DLG2: variants seen among roughly 807,000 people sequenced by gnomAD.
The protein encoded by DLG2 is disks large homolog 2.
DLG2 carries 45 observed loss-of-function variants against 132.5 expected under a neutral mutation model. The observed-to-expected ratio is 0.34, with a 90% CI of 0.27 to 0.44. The LOEUF is 0.44. Ranked by LOEUF, DLG2 falls within the 20% of genes least tolerant of loss-of-function variation. DLG2 has a pLI of 1.00. For missense variants in DLG2, 1,045 were observed against 1,196.9 expected, an observed-to-expected ratio of 0.87 and a Z score of 1.87; for synonymous variants, 424 against 419.6, an observed-to-expected ratio of 1.01 and a Z score of -0.13.
chr11:84,193,876 G>C (rs1468528098), intron 8 of DLG2, among the ~76,000 whole-genome samples: 2 of 152,238 alleles, frequency 1.3e-5, no homozygotes, highest in East Asian at 3.9e-4. Flanking sequence ...TTTGGGCAAG[G>C]GGTGTTGTTG....
rs1027807846 is a variant in DLG2 at position 84,796,579 on chromosome 11, T to C, written c.358-261848A>G. On this transcript the variant is annotated intron_variant, in intron 6 of 27. Coordinates refer to ENST00000376104, the MANE Select transcript of DLG2 (RefSeq NM_001142699.3). ...CCTTTAGCATTTCTTGTAAGACAGATCTGGTGTTAATGAAATCCCTCAGCT... is the reference window on the plus strand; with the variant it reads ...CCTTTAGCATTTCTTGTAAGACAGACCTGGTGTTAATGAAATCCCTCAGCT... 7.2e-5 allele frequency among the ~76,000 whole-genome samples: 11 copies of C among 152,326 alleles called. No homozygotes were observed. The South Asian group carries it at 2.3e-3, about 32-fold the overall frequency.
In DLG2 at chr11:83,517,862, G is replaced by C. The variant is rs2140287981; in HGVS notation, c.2193+14846C>G. Among the ~76,000 whole-genome samples, 3 of 152,328 alleles carry C rather than the reference G, an allele frequency of 2.0e-5. No homozygotes were observed. In the South Asian group the frequency reaches 6.2e-4, roughly 32 times the overall value. On this transcript the variant is annotated intron_variant, in intron 21 of 27. Transcript: ENST00000376104. The stretch of plus-strand genomic sequence containing the variant: ...ATATTGGTGAACAGCAAATGTTGCT[G>C]CCTGATCGTTCCTCTGGCAGTGTTG...
chr11:85,098,815 A>C lies in DLG2; in HGVS notation c.357+12846T>G, dbSNP rs191491965. Among the ~76,000 whole-genome samples, 679 of 152,300 alleles carry C rather than the reference A, an allele frequency of 4.5e-3. 4 individuals are homozygous for C. The highest frequency in any genetic ancestry group is 0.016 in the African/African-American group (654 of 41,574). ...GTGAATGCCATTAATTATTTTAATTAGGTGTTTGTTCTGAGTTGGATGAAA... is the reference window on the plus strand; with the variant it reads ...GTGAATGCCATTAATTATTTTAATTCGGTGTTTGTTCTGAGTTGGATGAAA... On this transcript the variant is annotated intron_variant, in intron 6 of 27. Coordinates refer to ENST00000376104, the MANE Select transcript of DLG2 (RefSeq NM_001142699.3).
chr11:83,989,310 C>T (rs975972531), intron 11 of DLG2, among the ~76,000 whole-genome samples: 3 of 152,082 alleles, frequency 2.0e-5, no homozygotes, highest in Admixed American at 6.6e-5. Flanking sequence ...CTGATTCTTT[C>T]GTCTTATAAC....
At chr11:83,501,433 G>A (rs1236509076) in intron 21 of DLG2, among the ~76,000 whole-genome samples, 1 of 152,016 alleles carries the variant, frequency 6.6e-6, no homozygotes, top group Non-Finnish European at 1.5e-5. Context: ...ATGTCCACAG[G>A]GAGCCAAGAA....
At chr11:84,733,655 G>T (rs981636135) in intron 6 of DLG2, among the ~76,000 whole-genome samples, 1 of 152,106 alleles carries the variant, frequency 6.6e-6, no homozygotes, top group South Asian at 2.1e-4. Context: ...AATCCCATTT[G>T]TCAATTTTGG....
At chr11:83,601,297 G>A (rs939249128) in intron 19 of DLG2, among the ~76,000 whole-genome samples, 4 of 152,094 alleles carry the variant, frequency 2.6e-5, no homozygotes, top group Non-Finnish European at 5.9e-5. Context: ...TGGGCTAGTA[G>A]TTTCCAAACT....
intron 6 of DLG2, among the ~76,000 whole-genome samples, chr11:85,003,728 T>C (rs2058405326): frequency 6.6e-6 from 1 of 152,104 alleles, no homozygotes. Flanking sequence ...GAATGTCTAT[T>C]TTTTTCATTA....
chr11:84,795,379 A>C (rs2074439714), intron 6 of DLG2, among the ~76,000 whole-genome samples: 1 of 151,932 alleles, frequency 6.6e-6, no homozygotes, highest in African/African-American at 2.4e-5. Context: ...ATCTCTGCTG[A>C]AAGCTGAACA....
At chr11:84,528,226 T>C (rs2099327379) in intron 7 of DLG2, among the ~76,000 whole-genome samples, 1 of 152,144 alleles carries the variant, frequency 6.6e-6, no homozygotes, top group Non-Finnish European at 1.5e-5. Context: ...TATGAAAGAT[T>C]CTAGGTAGCA....
intron 18 of DLG2, among the ~76,000 whole-genome samples, chr11:83,689,869 TAATA>T (rs1194644880): frequency 6.8e-6 from 1 of 148,056 alleles, no homozygotes; most frequent in Non-Finnish European, 1.5e-5. Context: ...CCCATTATCT[TAATA>T]TTTACATAAT....
intron 21 of DLG2, among the ~76,000 whole-genome samples, chr11:83,524,637 C>T (rs1334762883): frequency 1.3e-5 from 2 of 152,158 alleles, no homozygotes; most frequent in Non-Finnish European, 2.9e-5. Flanking sequence ...CAAGGCTTTC[C>T]ACTGCCCTCA....
At chr11:84,218,762 T>C (rs1439551360) in intron 8 of DLG2, among the ~76,000 whole-genome samples, 1 of 152,182 alleles carries the variant, frequency 6.6e-6, no homozygotes, top group Admixed American at 6.5e-5. Context: ...TCTGTAAATA[T>C]TTTTAGTTAT....
chr11:85,383,552 C>G (rs1246395731), intron 3 of DLG2, among the ~76,000 whole-genome samples: 1 of 152,166 alleles, frequency 6.6e-6, no homozygotes, highest in East Asian at 1.9e-4. Flanking sequence ...AGTTCTACAT[C>G]AAAACGGCTC....
intron 21 of DLG2, among the ~76,000 whole-genome samples, chr11:83,506,845 A>T (rs2094727707): frequency 6.6e-6 from 1 of 152,180 alleles, no homozygotes; most frequent in South Asian, 2.1e-4. Context: ...ACATCTGATG[A>T]GACTGTGCAT....
At chr11:83,554,397 T>A (rs2142252421) in intron 19 of DLG2, among the ~76,000 whole-genome samples, 1 of 152,334 alleles carries the variant, frequency 6.6e-6, no homozygotes, top group African/African-American at 2.4e-5. Flanking sequence ...TTCTGTTTCC[T>A]ACTCTGTAAA....
At chr11:83,753,492 A>T (rs2093427410) in intron 18 of DLG2, among the ~76,000 whole-genome samples, 2 of 151,712 alleles carry the variant, frequency 1.3e-5, no homozygotes, top group African/African-American at 4.8e-5. Context: ...TCTTTGACCA[A>T]ATTGTTTTCC....
chr11:84,997,462 T>A (rs1434484054), intron 6 of DLG2: 1 of 152,204 alleles, frequency 6.6e-6, no homozygotes, highest in African/African-American at 2.4e-5. Context: ...TGTTCCCAAC[T>A]AGAATGCTGT....
At chr11:84,046,218 A>G (rs1367714094) in intron 11 of DLG2, among the ~76,000 whole-genome samples, 1 of 151,640 alleles carries the variant, frequency 6.6e-6, no homozygotes, top group African/African-American at 2.4e-5. Flanking sequence ...AGCATGTTCA[A>G]TTAATGCTTT....
Sources: gnomAD v4.1 joint callset for allele counts (sites outside exome capture counted in the v4.1 genomes callset) on GRCh38, gnomAD v4.1.1 for gene constraint, MANE v1.5 for transcripts, NCBI Gene and HGNC (gene_info 2026-07-23, HGNC 2026-07-21) for gene names.